CSMD1: variants seen among roughly 807,000 people sequenced by gnomAD.
The protein encoded by CSMD1 is CUB and Sushi multiple domains 1.
A neutral mutation model predicts 417.5 loss-of-function variants in CSMD1; 213 were observed. The observed-to-expected ratio is 0.51, with a 90% CI of 0.46 to 0.57. CSMD1 has a LOEUF of 0.57. Ranked by LOEUF, CSMD1 falls within the 20% of genes least tolerant of loss-of-function variation. The pLI, the probability that CSMD1 is intolerant of heterozygous loss-of-function variation, is 0.00. For missense variants in CSMD1, 6,923 were observed against 4,529.7 expected (o/e 1.53, Z -15.17); for synonymous variants, 2,862 against 1,736.8 (o/e 1.65, Z -16.11).
chr8:4,673,783 G>T (rs901790034), intron 1 of CSMD1, among the ~76,000 whole-genome samples: 2 of 152,172 alleles, frequency 1.3e-5, no homozygotes, highest in Admixed American at 6.5e-5. Flanking sequence ...GTATGATTAA[G>T]TTTGTATGAA....
chr8:4,563,420 T>A (rs1468727034), intron 2 of CSMD1, among the ~76,000 whole-genome samples: 1 of 151,810 alleles, frequency 6.6e-6, no homozygotes. Context: ...ATAATAACAA[T>A]AATAAAATAA....
intron 1 of CSMD1, among the ~76,000 whole-genome samples, chr8:4,654,255 A>G (rs1804085995): frequency 6.6e-6 from 1 of 152,128 alleles, no homozygotes; most frequent in African/African-American, 2.4e-5. Flanking sequence ...AATTTGAACA[A>G]CAGTTCAGGC....
chr8:4,366,023 C>T (rs540471501), intron 3 of CSMD1, among the ~76,000 whole-genome samples: 2 of 152,064 alleles, frequency 1.3e-5, no homozygotes, highest in Admixed American at 6.5e-5. Flanking sequence ...ATGAGCCTGT[C>T]GCCCAGGTAG....
intron 23 of CSMD1, among the ~76,000 whole-genome samples, chr8:3,337,982 G>A (rs1807383173): frequency 6.6e-6 from 1 of 152,180 alleles, no homozygotes; most frequent in African/African-American, 2.4e-5. Flanking sequence ...CGTCTGAACA[G>A]TAGACACTTC....
intron 49 of CSMD1, among the ~76,000 whole-genome samples, chr8:3,068,848 T>C (rs999451071): frequency 2.0e-5 from 3 of 152,122 alleles, no homozygotes; most frequent in Non-Finnish European, 2.9e-5. Flanking sequence ...GGGATTACAA[T>C]TCAACACGAG....
At chr8:4,443,781 G>C (rs967383015) in intron 2 of CSMD1, among the ~76,000 whole-genome samples, 3 of 152,156 alleles carry the variant, frequency 2.0e-5, no homozygotes, top group African/African-American at 7.2e-5. Flanking sequence ...TCTCTACCAA[G>C]TGTGATCTGT....
At chr8:3,985,077 G>A (rs553802986) in intron 5 of CSMD1, among the ~76,000 whole-genome samples, 1 of 152,034 alleles carries the variant, frequency 6.6e-6, no homozygotes, top group South Asian at 2.1e-4. Context: ...AAACACTGTG[G>A]CTTTTATGTT....
At chr8:2,990,575 C>A (rs916182936) in intron 54 of CSMD1, among the ~76,000 whole-genome samples, 1 of 152,258 alleles carries the variant, frequency 6.6e-6, no homozygotes, top group African/African-American at 2.4e-5. Flanking sequence ...GACCAGACCA[C>A]CCACATTATC....
chr8:3,556,562 T>C (rs1799163763), intron 10 of CSMD1, among the ~76,000 whole-genome samples: 2 of 149,830 alleles, frequency 1.3e-5, no homozygotes, highest in South Asian at 2.1e-4. Flanking sequence ...CCTCTCTCTC[T>C]TTCAGAAATG....
chr8:3,401,509 G>A (rs1161543), intron 15 of CSMD1, among the ~76,000 whole-genome samples: 125,762 of 152,066 alleles, frequency 0.83, 52,339 homozygotes, highest in South Asian at 0.87. Flanking sequence ...AAATAATAAT[G>A]ATCTCAGTAA....
At chr8:3,092,346 G>C (rs1306326432) in intron 47 of CSMD1, among the ~76,000 whole-genome samples, 2 of 151,918 alleles carry the variant, frequency 1.3e-5, no homozygotes, top group African/African-American at 4.8e-5. Context: ...AAATATAATA[G>C]GATAACAATT....
chr8:4,204,733 C>T (rs1022329822), intron 3 of CSMD1, among the ~76,000 whole-genome samples: 1 of 152,184 alleles, frequency 6.6e-6, no homozygotes, highest in Non-Finnish European at 1.5e-5. Flanking sequence ...TAGCTCACTG[C>T]AGCCTCAACC....
chr8:3,862,408 C>G (rs923035256), intron 5 of CSMD1, among the ~76,000 whole-genome samples: 14 of 152,256 alleles, frequency 9.2e-5, no homozygotes, highest in African/African-American at 3.1e-4. Flanking sequence ...GAATTTTTCT[C>G]TCACTTGTCT....
chr8:3,864,030 C>G lies in CSMD1; in HGVS notation c.819-109988G>C, dbSNP rs145319670. 2.0e-3 allele frequency among the ~76,000 whole-genome samples: 298 copies of G among 152,104 alleles called. 3 individuals carry two copies. Among genetic ancestry groups the G allele is most frequent in the African/African-American group, 6.8e-3 (284 of 41,486 alleles). ...CAGAAACAAACAGTAAACAGGTTTG[C>G]AAATCTTAGTGAAGATGAATGTGAA... On this transcript the variant is annotated intron_variant, in intron 5 of 69. Transcript: ENST00000635120.
At chr8:4,251,882 G>C (rs998612798) in intron 3 of CSMD1, among the ~76,000 whole-genome samples, 5 of 148,936 alleles carry the variant, frequency 3.4e-5, no homozygotes, top group Admixed American at 3.3e-4. Flanking sequence ...TGGAGGAAGA[G>C]GGGAAGGGAG....
intron 10 of CSMD1, among the ~76,000 whole-genome samples, chr8:3,513,451 G>A (rs1180714339): frequency 6.6e-6 from 1 of 151,560 alleles, no homozygotes; most frequent in African/African-American, 2.4e-5. Context: ...TCAGCCTCCT[G>A]AATAGCTGGG....
intron 2 of CSMD1, among the ~76,000 whole-genome samples, chr8:4,514,599 T>A (rs1431586537): frequency 2.6e-5 from 4 of 152,162 alleles, no homozygotes; most frequent in Non-Finnish European, 5.9e-5. Flanking sequence ...TAATCTACAT[T>A]CCTGTATCTT....
chr8:3,355,971 G>GA (rs377730798), intron 21 of CSMD1, among the ~76,000 whole-genome samples: 28 of 152,128 alleles, frequency 1.8e-4, no homozygotes, highest in African/African-American at 6.5e-4. Context: ...TCATCAGGTT[G>GA]AAAAAAACCC....
intron 3 of CSMD1, among the ~76,000 whole-genome samples, chr8:4,087,418 C>G (rs145842854): frequency 0.011 from 1,619 of 152,332 alleles, 17 homozygotes; most frequent in Non-Finnish European, 0.017. Context: ...AGCAGATGCT[C>G]TTAATTCTCT....
Sources: gnomAD v4.1 joint callset for allele counts (sites outside exome capture counted in the v4.1 genomes callset) on GRCh38, gnomAD v4.1.1 for gene constraint, MANE v1.5 for transcripts, NCBI Gene and HGNC (gene_info 2026-07-23, HGNC 2026-07-21) for gene names.